Variants in SATB2 observed in about 807,000 individuals in gnomAD.
The protein encoded by SATB2 is SATB homeobox 2.
Under a neutral mutation model 73.4 loss-of-function variants are expected in SATB2, and 1 was observed. The ratio of observed to expected loss-of-function variants is 0.01; its 90% confidence interval spans 0.00 to 0.06. SATB2 has a LOEUF of 0.06. Among genes scored for constraint, SATB2 ranks in the 10% least tolerant of loss-of-function variants. SATB2 has a pLI of 1.00. For missense variants in SATB2, 459 were observed against 945.8 expected, an observed-to-expected ratio of 0.49 and a Z score of 6.75; for synonymous variants, 397 against 367.0, an observed-to-expected ratio of 1.08 and a Z score of -0.93.
intron 10 of SATB2, among the ~76,000 whole-genome samples, chr2:199,274,943 T>C (rs1692266926): frequency 6.6e-6 from 1 of 152,128 alleles, no homozygotes; most frequent in Non-Finnish European, 1.5e-5. Flanking sequence ...TAAACCTCTA[T>C]GTCAACAGGT....
At chr2:199,410,091 G>C (rs1690766904) in intron 3 of SATB2, among the ~76,000 whole-genome samples, 2 of 152,128 alleles carry the variant, frequency 1.3e-5, no homozygotes, top group African/African-American at 4.8e-5. Flanking sequence ...GCCTTTTTCT[G>C]TGTGTGTTAG....
chr2:199,419,968 T>C (rs1351814133), intron 3 of SATB2, among the ~76,000 whole-genome samples: 1 of 152,208 alleles, frequency 6.6e-6, no homozygotes. Context: ...CTAGTTATAT[T>C]AGGTCAGGAC....
intron 10 of SATB2, among the ~76,000 whole-genome samples, chr2:199,293,609 G>A (rs1370283818): frequency 6.6e-6 from 1 of 152,110 alleles, no homozygotes; most frequent in East Asian, 1.9e-4. Context: ...CTATGTGTGT[G>A]TCAAAATGAT....
intron 10 of SATB2, among the ~76,000 whole-genome samples, chr2:199,295,593 T>C (rs1693006856): frequency 6.6e-6 from 1 of 152,202 alleles, no homozygotes; most frequent in Non-Finnish European, 1.5e-5. Flanking sequence ...CTGACTCTAC[T>C]ATAGAGAAGC....
At chr2:199,401,201 C>G (rs1020694531) in intron 3 of SATB2, among the ~76,000 whole-genome samples, 5 of 152,060 alleles carry the variant, frequency 3.3e-5, no homozygotes, top group Non-Finnish European at 7.3e-5. Flanking sequence ...TCTACTTAGT[C>G]TCACCAATAA....
At chr2:199,447,172 G>T (rs1691988585) in intron 2 of SATB2, among the ~76,000 whole-genome samples, 1 of 152,290 alleles carries the variant, frequency 6.6e-6, no homozygotes, top group Non-Finnish European at 1.5e-5. Context: ...AGCCCAGAGT[G>T]AGGCAAAACG....
intron 9 of SATB2, among the ~76,000 whole-genome samples, chr2:199,315,424 G>A (rs1687703804): frequency 6.6e-6 from 1 of 152,002 alleles, no homozygotes; most frequent in African/African-American, 2.4e-5. Flanking sequence ...GTTCAAGCTT[G>A]GAGCCTAACA....
intron 5 of SATB2, among the ~76,000 whole-genome samples, chr2:199,374,626 G>A (rs1221198599): frequency 6.6e-6 from 1 of 152,166 alleles, no homozygotes; most frequent in African/African-American, 2.4e-5. Flanking sequence ...TTTAGGAGAT[G>A]GAGCACATTG....
chr2:199,352,347 C>A (rs1688843237), intron 6 of SATB2, among the ~76,000 whole-genome samples: 1 of 152,166 alleles, frequency 6.6e-6, no homozygotes, highest in African/African-American at 2.4e-5. Flanking sequence ...AAAAATACCT[C>A]ATTCATAGAC....
intron 3 of SATB2, among the ~76,000 whole-genome samples, chr2:199,393,780 G>T (rs933933236): frequency 1.3e-5 from 2 of 151,948 alleles, no homozygotes; most frequent in Non-Finnish European, 2.9e-5. Flanking sequence ...TGTTTCTCAG[G>T]AAGGGCTCAT....
chr2:199,321,589 C>T (rs112052382), intron 9 of SATB2, among the ~76,000 whole-genome samples: 1 of 151,542 alleles, frequency 6.6e-6, no homozygotes, highest in Non-Finnish European at 1.5e-5. Flanking sequence ...CAGGTACACA[C>T]ACATAGATAC....
chr2:199,379,350 A>C (rs1689696305), intron 5 of SATB2, among the ~76,000 whole-genome samples: 1 of 152,168 alleles, frequency 6.6e-6, no homozygotes, highest in Admixed American at 6.5e-5. Context: ...TTCACTACAA[A>C]ACCTCTACAA....
chr2:199,275,188 C>T (rs1035441619), intron 10 of SATB2, among the ~76,000 whole-genome samples: 4 of 152,132 alleles, frequency 2.6e-5, no homozygotes, highest in Admixed American at 2.6e-4. Flanking sequence ...TTCCACTGTG[C>T]ACTGGTTAGA....
Position 199,270,185 on chromosome 2 carries a change from T to C in SATB2, c.*2026A>G, listed in dbSNP as rs535958431. The stretch of plus-strand genomic sequence containing the variant: ...AGGGCTAACTGCAAACAACCATCCT[T>C]TTGCAAAGGTATATGACGCTTATGT... On this transcript the variant is annotated 3_prime_UTR_variant, in exon 11 of 11. Transcript: ENST00000417098. The C allele has an allele frequency of 6.5e-6, 1 of 152,692 alleles. No individual in the cohort carries two copies. The highest frequency in any genetic ancestry group is 6.5e-5 in the Admixed American group (1 of 15,274). 9.5% of individuals were successfully genotyped at this position (152,692 alleles called of 1,614,324 possible).
intron 3 of SATB2, among the ~76,000 whole-genome samples, chr2:199,399,138 G>A (rs532707445): frequency 6.6e-6 from 1 of 152,264 alleles, no homozygotes; most frequent in Non-Finnish European, 1.5e-5. Context: ...CAGGAATGGT[G>A]GTGTGTACCT....
intron 3 of SATB2, 79 bp from the exon 4 acceptor site, chr2:199,381,899 G>A: frequency 2.6e-6 from 4 of 1,517,378 alleles, no homozygotes; most frequent in Non-Finnish European, 3.6e-6. Context: ...ATGTTAAGAA[G>A]GTCATTCAAT....
At chr2:199,317,237 G>C (rs1283795105) in intron 9 of SATB2, among the ~76,000 whole-genome samples, 1 of 152,052 alleles carries the variant, frequency 6.6e-6, no homozygotes, top group Non-Finnish European at 1.5e-5. Flanking sequence ...CAGGCAGCTA[G>C]CTTGCCTTAC....
chr2:199,464,623 C>T lies in SATB2; in HGVS notation c.-141+213G>A, dbSNP rs1380430841. On this transcript the variant is annotated intron_variant, in intron 1 of 11. Coordinates refer to the SATB2 transcript ENST00000260926. This position sits in a 1 kb window ranked among gnomAD's most constrained non-coding sequence, Gnocchi z 6.6. The stretch of plus-strand genomic sequence containing the variant: ...GAACACCAGCGCTCCGGCCGGGTCG[C>T]AGGGGCCGGTGCCCAGCGGGCCGGG... Among the ~76,000 whole-genome samples the T allele has an allele frequency of 6.6e-6, 1 of 152,170 alleles. No individual in the cohort carries two copies. The highest frequency in any genetic ancestry group is 6.5e-5 in the Admixed American group (1 of 15,284).
chr2:199,455,819 C>T lies in SATB2; in HGVS notation c.169+50G>A. On this transcript the variant is annotated intron_variant, in intron 2 of 10. Coordinates refer to ENST00000417098, the MANE Select transcript of SATB2 (RefSeq NM_001172509.2). This position sits in a 1 kb window ranked among gnomAD's most constrained non-coding sequence, Gnocchi z 4.1. ...ATCAACCTGAACCCTGACACCCGGGCCATTATCACTGGGCCGCGGGCTGCG... is the reference window on the plus strand; with the variant it reads ...ATCAACCTGAACCCTGACACCCGGGTCATTATCACTGGGCCGCGGGCTGCG... 3 of 1,525,472 alleles carry T rather than the reference C, an allele frequency of 2.0e-6. No homozygotes were observed. The highest frequency in any genetic ancestry group is 2.6e-6 in the Non-Finnish European group (3 of 1,138,780). The allele number at this position is 1,525,472 out of a possible 1,614,324, so 94.5% of individuals were successfully genotyped here.
Sources: allele counts gnomAD v4.1 joint callset (sites outside exome capture counted in the v4.1 genomes callset), GRCh38; gene constraint gnomAD v4.1.1; non-coding constraint Gnocchi (gnomAD v3.1); transcripts MANE v1.5; gene names NCBI Gene and HGNC (gene_info 2026-07-23, HGNC 2026-07-21).